Variants in FHIT observed in about 807,000 individuals in gnomAD.
FHIT encodes fragile histidine triad diadenosine triphosphatase.
Under a neutral mutation model 17.9 loss-of-function variants are expected in FHIT, and 19 were observed. The observed-to-expected ratio is 1.06, with a 90% confidence interval of 0.74 to 1.56. FHIT has a LOEUF of 1.56. FHIT is among the 40% of genes most tolerant of loss of function. The pLI, the probability that FHIT is intolerant of heterozygous loss-of-function variation, is 0.00. For missense variants in FHIT, 248 were observed against 189.2 expected, an observed-to-expected ratio of 1.31 and a Z score of -1.82; for synonymous variants, 81 against 69.7, an observed-to-expected ratio of 1.16 and a Z score of -0.81.
At chr3:60,381,455 G>C (rs1393789574) in intron 5 of FHIT, among the ~76,000 whole-genome samples, 3 of 150,224 alleles carry the variant, frequency 2.0e-5, no homozygotes, top group Non-Finnish European at 3.0e-5. Context: ...TCCAGCCTGG[G>C]CAACAAGAGC....
At chr3:61,189,875 A>G (rs1457758874) in intron 2 of FHIT, among the ~76,000 whole-genome samples, 1 of 151,700 alleles carries the variant, frequency 6.6e-6, no homozygotes, top group African/African-American at 2.4e-5. Context: ...AAAACTGGCT[A>G]GCCATATGTA....
At chr3:59,810,796 A>C (rs1206923597) in intron 8 of FHIT, among the ~76,000 whole-genome samples, 1 of 152,208 alleles carries the variant, frequency 6.6e-6, no homozygotes, top group Admixed American at 6.5e-5. Context: ...TTATAATTAA[A>C]GCTAATTAGT....
chr3:59,916,251 C>T (rs770723738), intron 8 of FHIT, among the ~76,000 whole-genome samples: 6 of 152,162 alleles, frequency 3.9e-5, no homozygotes, highest in African/African-American at 9.7e-5. Flanking sequence ...TGCCCTCGAA[C>T]ATCGGACTCC....
At chr3:60,497,321 A>G (rs149552724) in intron 5 of FHIT, among the ~76,000 whole-genome samples, 11 of 152,330 alleles carry the variant, frequency 7.2e-5, no homozygotes, top group African/African-American at 2.6e-4. Context: ...TTTCATTCTA[A>G]GAAAAGATCT....
intron 5 of FHIT, among the ~76,000 whole-genome samples, chr3:60,459,066 G>A (rs1258580026): frequency 6.6e-6 from 1 of 152,096 alleles, no homozygotes; most frequent in Non-Finnish European, 1.5e-5. Context: ...ACAAGCATGA[G>A]CCACAGTGCC....
At position 61,229,408 on chromosome 3, in the gene FHIT, C is replaced by G. The variant is rs559603460; in HGVS notation, c.-213+21893G>C. ...TTGAGGGAGCATGGCCCTGCCAACA[C>G]CTTGATTTTGGACTTCTGGCTTCCA... On this transcript the variant is annotated intron_variant, in intron 1 of 9. Transcript: ENST00000492590. Among the ~76,000 whole-genome samples, 155 of 152,274 alleles carry G rather than the reference C, an allele frequency of 1.0e-3. 1 individual carries two copies. Among genetic ancestry groups the G allele is most frequent in the African/African-American group, 3.4e-3 (143 of 41,564 alleles).
intron 5 of FHIT, among the ~76,000 whole-genome samples, chr3:60,452,743 G>A (rs867355557): frequency 2.0e-5 from 3 of 152,146 alleles, no homozygotes; most frequent in Admixed American, 1.3e-4. Context: ...GCTGGTCCCT[G>A]AAGAGTTAGC....
At chr3:60,160,045 G>A (rs1046558779) in intron 5 of FHIT, among the ~76,000 whole-genome samples, 2 of 152,094 alleles carry the variant, frequency 1.3e-5, no homozygotes, top group African/African-American at 2.4e-5. Context: ...ACATATTGAC[G>A]GAAATCTTTC....
intron 5 of FHIT, among the ~76,000 whole-genome samples, chr3:60,127,948 A>G (rs192625700): frequency 5.3e-5 from 8 of 152,282 alleles, no homozygotes; most frequent in Admixed American, 5.2e-4. Flanking sequence ...ACATTTTATT[A>G]GCCTTAGTAA....
In FHIT at chr3:60,411,520, T is replaced by C. The variant is rs1024996222; in HGVS notation, c.103+125340A>G. ...GGTTCATACAGCCACAGCTAATTAC[T>C]ATGTATATTGTATTTCTGGACCTAC... On this transcript the variant is annotated intron_variant, in intron 5 of 9. Transcript: ENST00000492590. Among the ~76,000 whole-genome samples, 122 of 152,284 alleles carry C rather than the reference T, an allele frequency of 8.0e-4. 3 individuals are homozygous for C. The highest frequency in any genetic ancestry group is 8.1e-4 in the Non-Finnish European group (55 of 68,012).
intron 4 of FHIT, among the ~76,000 whole-genome samples, chr3:60,689,862 T>A (rs1221483486): frequency 4.6e-5 from 7 of 152,174 alleles, no homozygotes; most frequent in African/African-American, 1.7e-4. Flanking sequence ...TTATTTTGTG[T>A]GACATATTTT....
chr3:59,999,459 T>G (rs997329816), intron 7 of FHIT, among the ~76,000 whole-genome samples: 1 of 152,138 alleles, frequency 6.6e-6, no homozygotes, highest in South Asian at 2.1e-4. Context: ...TGATGAGTAT[T>G]GCAGATATGC....
At chr3:61,115,104 CTG>C (rs1261753651) in intron 2 of FHIT, among the ~76,000 whole-genome samples, 18 of 152,104 alleles carry the variant, frequency 1.2e-4, no homozygotes, top group Admixed American at 2.0e-4. Context: ...TCAGAAATAA[CTG>C]TTGTTCTAGG....
chr3:59,905,428 T>G (rs1559717237), intron 8 of FHIT, among the ~76,000 whole-genome samples: 3 of 152,196 alleles, frequency 2.0e-5, no homozygotes, highest in African/African-American at 7.2e-5. Context: ...CACTCTGTTA[T>G]CAGATAAATT....
At chr3:60,105,841 G>C (rs13099584) in intron 5 of FHIT, among the ~76,000 whole-genome samples, 2 of 151,904 alleles carry the variant, frequency 1.3e-5, no homozygotes, top group Non-Finnish European at 2.9e-5. Flanking sequence ...AAAGAAAATG[G>C]GCAGGAAAAT....
intron 4 of FHIT, among the ~76,000 whole-genome samples, chr3:60,762,905 C>T (rs1553720389): frequency 2.0e-5 from 3 of 152,166 alleles, no homozygotes; most frequent in African/African-American, 7.2e-5. Flanking sequence ...AGATTTTGGA[C>T]TGAGATCTCA....
intron 8 of FHIT, chr3:59,886,335 A>T (rs1286398198): frequency 6.6e-6 from 1 of 152,276 alleles, no homozygotes; most frequent in Admixed American, 6.5e-5. Flanking sequence ...AATTAGGACC[A>T]ACTATTTACT....
At chr3:60,887,449 A>T (rs939006943) in intron 3 of FHIT, among the ~76,000 whole-genome samples, 1 of 152,132 alleles carries the variant, frequency 6.6e-6, no homozygotes, top group Non-Finnish European at 1.5e-5. Context: ...GTTCGAGACC[A>T]GCCTGGCCAA....
At chr3:60,627,757 C>G (rs782182036) in intron 4 of FHIT, among the ~76,000 whole-genome samples, 12 of 152,160 alleles carry the variant, frequency 7.9e-5, no homozygotes, top group Non-Finnish European at 1.6e-4. Flanking sequence ...CTCCTGACCA[C>G]GTGATCCGCC....
Sources: gnomAD v4.1 joint callset for allele counts (sites outside exome capture counted in the v4.1 genomes callset) on GRCh38, gnomAD v4.1.1 for gene constraint, MANE v1.5 for transcripts, NCBI Gene and HGNC (gene_info 2026-07-23, HGNC 2026-07-21) for gene names.